SRPK1: variants seen among roughly 807,000 people sequenced by gnomAD.
SRPK1 encodes the protein SFRS protein kinase 1.
A neutral mutation model predicts 89.5 loss-of-function variants in SRPK1; 52 were observed. The observed-to-expected ratio is 0.58, with a 90% CI of 0.46 to 0.73. The LOEUF (loss-of-function observed/expected upper bound fraction) is 0.73. SRPK1 is among the 30% of genes least tolerant of loss of function. The probability of loss-of-function intolerance (pLI) is 0.00; values close to 1 mark genes in which losing one functional copy is unlikely to be tolerated. For synonymous variants in SRPK1, 255 were observed against 270.2 expected (o/e 0.94, Z 0.55); for missense variants, 603 against 780.6 (o/e 0.77, Z 2.71).
intron 2 of SRPK1, among the ~76,000 whole-genome samples, chr6:35,914,857 G>A (rs756697141): frequency 3.3e-5 from 5 of 151,700 alleles, no homozygotes; most frequent in Admixed American, 1.3e-4. Context: ...AGAGTGCAGT[G>A]GTACGATGTT....
At chr6:35,917,854 G>C (rs945703580) in intron 2 of SRPK1, among the ~76,000 whole-genome samples, 1 of 152,198 alleles carries the variant, frequency 6.6e-6, no homozygotes, top group African/African-American at 2.4e-5. Flanking sequence ...TGCCAGTCAG[G>C]ATATATACAT....
Position 35,834,546 on chromosome 6 carries a change from C to T in SRPK1, c.*758G>A, listed in dbSNP as rs547190138. 8 of 152,260 alleles carry T rather than the reference C, an allele frequency of 5.3e-5. No individual in the cohort carries two copies. The highest frequency in any genetic ancestry group is 1.9e-4 in the African/African-American group (8 of 41,554). 9.4% of individuals were successfully genotyped at this position (152,260 alleles called of 1,614,324 possible). ...AACAACCAACCAAAATAACTCTGGT[C>T]TTAGGGTAATAGAAGACATACAGGA... is the stretch of plus-strand genomic sequence containing the variant. On this transcript the variant is annotated 3_prime_UTR_variant, in exon 16 of 16. Coordinates refer to ENST00000373825, the MANE Select transcript of SRPK1 (RefSeq NM_003137.5).
chr6:35,915,040 C>T (rs916436276), intron 2 of SRPK1, among the ~76,000 whole-genome samples: 2 of 152,162 alleles, frequency 1.3e-5, no homozygotes, highest in Non-Finnish European at 2.9e-5. Flanking sequence ...AAGTGATCCC[C>T]CTGCCTCAGC....
chr6:35,869,485 T>G lies in SRPK1; in HGVS notation c.1408A>C (p.Lys470Gln), dbSNP rs1769983509. Residue 470 changes from lysine (K) to glutamine (Q), a missense_variant, in exon 11 of 16, where the codon AAA (lysine) becomes CAA (glutamine). Physicochemically the swap from Lys to Gln is moderately conservative, Grantham distance 53. Transcript: ENST00000373825. ...EQEHNGPLDNKGKSTAGNFLV... is the reference protein window; with the variant it reads ...EQEHNGPLDNQGKSTAGNFLV... Reference sequence around the variant, plus strand: ...GGAAGTATAGCTGCATAGGTACCTTTGTTGTCCAGTGGTCCGTTATGTTCT... The same window carrying G: ...GGAAGTATAGCTGCATAGGTACCTTGGTTGTCCAGTGGTCCGTTATGTTCT... 1 of 1,612,398 alleles carries G rather than the reference T, an allele frequency of 6.2e-7. No individual in the cohort carries two copies. Among genetic ancestry groups the G allele is most frequent in the Non-Finnish European group, 8.5e-7 (1 of 1,178,584 alleles).
intron 2 of SRPK1, 122 bp from the exon 3 acceptor site, chr6:35,891,135 G>A (rs1770509821): frequency 3.4e-6 from 4 of 1,169,378 alleles, no homozygotes; most frequent in Non-Finnish European, 4.4e-6. Context: ...TTACCAAGTG[G>A]CAGCCTAGGA....
intron 2 of SRPK1, among the ~76,000 whole-genome samples, chr6:35,907,996 C>G (rs995609513): frequency 3.3e-5 from 5 of 152,118 alleles, no homozygotes; most frequent in African/African-American, 9.7e-5. Flanking sequence ...GAAGAAGGTG[C>G]CTGCTTCCCC....
chr6:35,858,038 T>C (rs946216235), intron 12 of SRPK1, among the ~76,000 whole-genome samples: 2 of 152,240 alleles, frequency 1.3e-5, no homozygotes, highest in African/African-American at 4.8e-5. Context: ...ATTTGAATAT[T>C]TGAATTTTGT....
chr6:35,881,741 C>T (rs1435707708), intron 6 of SRPK1, among the ~76,000 whole-genome samples: 1 of 150,842 alleles, frequency 6.6e-6, no homozygotes, highest in Non-Finnish European at 1.5e-5. Context: ...TATTAAAAGA[C>T]CACCAAACTA....
intron 1 of SRPK1, 112 bp from the exon 2 acceptor site, chr6:35,920,640 G>C (rs967933842): frequency 2.4e-6 from 2 of 833,842 alleles, no homozygotes; most frequent in Non-Finnish European, 3.3e-6. Context: ...TGCCTCGGGG[G>C]CGGCTGCGGG....
intron 2 of SRPK1, chr6:35,895,725 A>G (rs1770614593): frequency 6.6e-6 from 1 of 152,262 alleles, no homozygotes; most frequent in Non-Finnish European, 1.5e-5. Flanking sequence ...GGAATGATGC[A>G]CAGAGAGGCC....
intron 14 of SRPK1, 55 bp downstream of exon 14, chr6:35,842,480 T>C (rs1335486804): frequency 1.4e-6 from 2 of 1,401,406 alleles, no homozygotes; most frequent in African/African-American, 2.9e-5. Flanking sequence ...TGATGTTAGC[T>C]TAATGTGGAA....
At position 35,835,156 on chromosome 6, in the gene SRPK1, ACCC is replaced by A; in HGVS notation, c.*145_*147del. On this transcript the variant is annotated 3_prime_UTR_variant, in exon 16 of 16. Coordinates refer to ENST00000373825, the MANE Select transcript of SRPK1 (RefSeq NM_003137.5). The stretch of plus-strand genomic sequence containing the variant: ...GATCTCCACAGGGTCAAGTAAGCAA[ACCC>A]AAATGAACATGTTGGATTAAAAAAA... 1 of 778,804 alleles carries A rather than the reference ACCC, an allele frequency of 1.3e-6. No homozygotes were observed. Among genetic ancestry groups the A allele is most frequent in the Non-Finnish European group, 1.9e-6 (1 of 513,090 alleles). 48.2% of individuals were successfully genotyped at this position (778,804 alleles called of 1,614,324 possible). A position where few individuals can be genotyped will look rare whatever the true frequency, so the allele number is the denominator to read the frequency against.
chr6:35,863,378 GCC>G (rs1769823739), intron 12 of SRPK1, among the ~76,000 whole-genome samples: 1 of 150,232 alleles, frequency 6.7e-6, no homozygotes, highest in Non-Finnish European at 1.5e-5. Context: ...GACTGCTTGA[GCC>G]CAGGAGTTAA....
intron 14 of SRPK1, 108 bp downstream of exon 14, chr6:35,842,427 G>GT: frequency 5.8e-6 from 4 of 689,956 alleles, no homozygotes; most frequent in Non-Finnish European, 8.9e-6. Context: ...GGATTTACAT[G>GT]TTTTGCACAC....
intron 12 of SRPK1, among the ~76,000 whole-genome samples, chr6:35,858,484 A>G (rs1423711561): frequency 7.4e-6 from 1 of 135,244 alleles, no homozygotes; most frequent in Non-Finnish European, 1.6e-5. Flanking sequence ...ACTGGGGGAA[A>G]AGTTTCATAT....
At chr6:35,896,298 T>A (rs961968045) in intron 2 of SRPK1, among the ~76,000 whole-genome samples, 1 of 152,180 alleles carries the variant, frequency 6.6e-6, no homozygotes, top group African/African-American at 2.4e-5. Flanking sequence ...GATTGGGTGG[T>A]GTATGGCAGG....
At chr6:35,875,791 T>C (rs750181271) in intron 6 of SRPK1, among the ~76,000 whole-genome samples, 2 of 152,110 alleles carry the variant, frequency 1.3e-5, no homozygotes, top group African/African-American at 4.8e-5. Flanking sequence ...TGTCAAAATA[T>C]CATTCCACAG....
chr6:35,902,232 C>CAAAA (rs58763282), intron 2 of SRPK1, among the ~76,000 whole-genome samples: 19 of 83,536 alleles, frequency 2.3e-4, no homozygotes, highest in East Asian at 1.3e-3. Context: ...TCCGTCTCTA[C>CAAAA]AAAAAAAAAA....
chr6:35,885,298 C>CACACACACACAGAGAGAGAG (rs1276672274), intron 6 of SRPK1, among the ~76,000 whole-genome samples: 2 of 113,114 alleles, frequency 1.8e-5, no homozygotes, highest in African/African-American at 7.3e-5. Flanking sequence ...CACACACACA[C>CACACACACACAGAGAGAGAG]AGAGAGAGAG....
Sources: allele counts gnomAD v4.1 joint callset (sites outside exome capture counted in the v4.1 genomes callset), GRCh38; gene constraint gnomAD v4.1.1; transcripts MANE v1.5; gene names NCBI Gene and HGNC (gene_info 2026-07-23, HGNC 2026-07-21).